GPHN: variants seen among roughly 807,000 people sequenced by gnomAD.
GPHN encodes gephyrin.
GPHN carries 17 observed loss-of-function variants against 95.5 expected under a neutral mutation model. That is an observed-to-expected ratio of 0.18 (90% CI 0.12 to 0.27). GPHN has a LOEUF of 0.27. Among genes scored for constraint, GPHN ranks in the 10% least tolerant of loss-of-function variants. GPHN has a pLI of 1.00. For missense variants in GPHN, 660 were observed against 978.1 expected, an observed-to-expected ratio of 0.67 and a Z score of 4.34; for synonymous variants, 320 against 322.5, an observed-to-expected ratio of 0.99 and a Z score of 0.08.
At chr14:66,627,604 T>A (rs1275028242) in intron 1 of GPHN, among the ~76,000 whole-genome samples, 1 of 152,110 alleles carries the variant, frequency 6.6e-6, no homozygotes, top group African/African-American at 2.4e-5. Flanking sequence ...ATATAAACTT[T>A]TAAACATTTT....
intron 3 of GPHN, among the ~76,000 whole-genome samples, chr14:66,781,366 G>A (rs939725888): frequency 1.7e-4 from 26 of 151,960 alleles, no homozygotes; most frequent in African/African-American, 5.1e-4. Flanking sequence ...ACAGGCATGC[G>A]CCACCACACC....
intron 17 of GPHN, among the ~76,000 whole-genome samples, chr14:67,140,939 A>C (rs2080418986): frequency 6.6e-6 from 1 of 152,136 alleles, no homozygotes; most frequent in Non-Finnish European, 1.5e-5. Flanking sequence ...TAATTCTGAG[A>C]TGTTTGCCCA....
intron 4 of GPHN, among the ~76,000 whole-genome samples, chr14:66,846,651 CT>C (rs2062351834): frequency 6.6e-6 from 1 of 152,124 alleles, no homozygotes; most frequent in African/African-American, 2.4e-5. Flanking sequence ...CTGGCAGTAA[CT>C]TAAATGTCGA....
the GPHN span, chr14:67,323,903 G>T: frequency 1.5e-6 from 1 of 680,530 alleles, no homozygotes. Flanking sequence ...AGCTACATTA[G>T]CTTGAGCTTT....
the GPHN span, among the ~76,000 whole-genome samples, chr14:67,388,894 G>T: frequency 2.0e-5 from 3 of 152,010 alleles, no homozygotes; most frequent in Admixed American, 1.3e-4. Flanking sequence ...GGCCAGGCTG[G>T]TCTCAAACTC....
chr14:67,583,944 A>C, the GPHN span: 1 of 1,612,046 alleles, frequency 6.2e-7, no homozygotes, highest in Non-Finnish European at 8.5e-7. Context: ...CCTGGAATGA[A>C]GACACGTCGG....
chr14:67,351,965 A>T, the GPHN span, among the ~76,000 whole-genome samples: 1 of 149,448 alleles, frequency 6.7e-6, no homozygotes, highest in Non-Finnish European at 1.5e-5. Context: ...TAAGCATGAA[A>T]AGCTCCTTAA....
the GPHN span, among the ~76,000 whole-genome samples, chr14:67,541,647 G>A: frequency 2.0e-5 from 3 of 152,154 alleles, no homozygotes; most frequent in Non-Finnish European, 4.4e-5. Context: ...ACAATGGAGC[G>A]GGACACACTG....
At chr14:67,727,824 G>T in the GPHN span, 1 of 156,030 alleles carries the variant, frequency 6.4e-6, no homozygotes, top group Non-Finnish European at 1.4e-5. Flanking sequence ...TGGCAGGTGA[G>T]GGCATCAGAA....
intron 1 of GPHN, among the ~76,000 whole-genome samples, chr14:66,629,700 G>A (rs2063711124): frequency 1.3e-5 from 2 of 152,084 alleles, no homozygotes; most frequent in African/African-American, 2.4e-5. Context: ...CAGTCATGTA[G>A]GAATGCCTTT....
chr14:66,851,015 G>A (rs892145240), intron 4 of GPHN, among the ~76,000 whole-genome samples: 6 of 151,966 alleles, frequency 3.9e-5, no homozygotes, highest in Non-Finnish European at 7.4e-5. Flanking sequence ...TTTTATGTGT[G>A]ATAAATATAT....
At chr14:66,842,718 T>C in intron 4 of GPHN, 2 of 1,528,682 alleles carry the variant, frequency 1.3e-6, no homozygotes, top group Non-Finnish European at 1.8e-6. Flanking sequence ...CAGAAAGGGG[T>C]AAGCGAAGAC....
intron 3 of GPHN, among the ~76,000 whole-genome samples, chr14:66,796,140 G>A (rs1394018304): frequency 6.6e-6 from 1 of 152,086 alleles, no homozygotes; most frequent in East Asian, 1.9e-4. Context: ...CAGTTCCACT[G>A]ATGTTGTTGC....
intron 11 of GPHN, among the ~76,000 whole-genome samples, chr14:67,078,430 G>C (rs2076575854): frequency 6.6e-6 from 1 of 152,122 alleles, no homozygotes; most frequent in South Asian, 2.1e-4. Flanking sequence ...ATATCCAGGT[G>C]AGAAGTTACT....
At chr14:66,913,899 A>G (rs2065791565) in intron 5 of GPHN, among the ~76,000 whole-genome samples, 1 of 152,188 alleles carries the variant, frequency 6.6e-6, no homozygotes, top group Non-Finnish European at 1.5e-5. Flanking sequence ...ATCCTAAAGC[A>G]TTATATAGAG....
chr14:67,397,325 C>G, the GPHN span, among the ~76,000 whole-genome samples: 1 of 152,194 alleles, frequency 6.6e-6, no homozygotes, highest in Non-Finnish European at 1.5e-5. Context: ...TAGTGAACCC[C>G]AAGATAGCAG....
chr14:67,064,858 A>G (rs1046501517), intron 11 of GPHN, among the ~76,000 whole-genome samples: 1 of 151,050 alleles, frequency 6.6e-6, no homozygotes, highest in East Asian at 2.0e-4. Flanking sequence ...CGGTCTATCA[A>G]TTTTGTCGAT....
At chr14:67,448,208 G>A in the GPHN span, among the ~76,000 whole-genome samples, 1 of 122,302 alleles carries the variant, frequency 8.2e-6, no homozygotes, top group Non-Finnish European at 1.6e-5. Flanking sequence ...CTGCAATCTC[G>A]GCTCACTGCA....
At chr14:67,465,409 C>G in the GPHN span, among the ~76,000 whole-genome samples, 3 of 140,216 alleles carry the variant, frequency 2.1e-5, no homozygotes, top group African/African-American at 4.9e-5. Flanking sequence ...TGAGGCCAAA[C>G]CACAAAAGGT....
Sources: allele counts gnomAD v4.1 joint callset (sites outside exome capture counted in the v4.1 genomes callset), GRCh38; gene constraint gnomAD v4.1.1; transcripts MANE v1.5; gene names NCBI Gene and HGNC (gene_info 2026-07-23, HGNC 2026-07-21).